The following DPP6 variants were observed in gnomAD, a reference collection of about 807,000 sequenced individuals.
DPP6 encodes the protein A-type potassium channel modulatory protein DPP6.
Under a neutral mutation model 122.6 loss-of-function variants are expected in DPP6, and 69 were observed. That is an observed-to-expected ratio of 0.56 (90% CI 0.46 to 0.69). The LOEUF (loss-of-function observed/expected upper bound fraction) is 0.69. Ranked by LOEUF, DPP6 falls within the 30% of genes least tolerant of loss-of-function variation. The pLI, the probability that DPP6 is intolerant of heterozygous loss-of-function variation, is 0.00. For synonymous variants in DPP6, 418 were observed against 433.1 expected, an observed-to-expected ratio of 0.97 and a Z score of 0.43; for missense variants, 928 against 1,116.9, an observed-to-expected ratio of 0.83 and a Z score of 2.41.
intron 5 of DPP6, among the ~76,000 whole-genome samples, chr7:154,592,827 T>A (rs1460782575): frequency 6.6e-6 from 1 of 152,084 alleles, no homozygotes; most frequent in Non-Finnish European, 1.5e-5. Context: ...CACAGCCACT[T>A]TTTCCCCAGC....
intron 4 of DPP6, among the ~76,000 whole-genome samples, chr7:154,541,248 A>G (rs887747944): frequency 7.9e-5 from 12 of 152,094 alleles, no homozygotes; most frequent in Admixed American, 1.3e-4. Context: ...CTCCCACCTC[A>G]GCCTCCTGAG....
At chr7:154,102,861 C>T (rs939258600) in intron 1 of DPP6, among the ~76,000 whole-genome samples, 7 of 152,178 alleles carry the variant, frequency 4.6e-5, no homozygotes, top group African/African-American at 1.7e-4. Flanking sequence ...AATCAGGCCA[C>T]TTTAAGCCAT....
intron 1 of DPP6, among the ~76,000 whole-genome samples, chr7:154,284,319 G>A (rs184013901): frequency 3.9e-5 from 6 of 152,250 alleles, no homozygotes; most frequent in Admixed American, 3.9e-4. Flanking sequence ...TAACAAATTA[G>A]TTATGTTTCT....
At chr7:154,638,776 TTTG>T (rs1276266923) in intron 6 of DPP6, among the ~76,000 whole-genome samples, 1 of 152,144 alleles carries the variant, frequency 6.6e-6, no homozygotes, top group Non-Finnish European at 1.5e-5. Context: ...AGGAGAATTT[TTTG>T]TTGTTTTATC....
chr7:154,619,187 A>G (rs1282584647), intron 5 of DPP6, among the ~76,000 whole-genome samples: 1 of 152,180 alleles, frequency 6.6e-6, no homozygotes, highest in Non-Finnish European at 1.5e-5. Flanking sequence ...GTATATCTTT[A>G]TTAGCAGGGT....
intron 1 of DPP6, among the ~76,000 whole-genome samples, chr7:154,082,334 A>AT (rs1804075475): frequency 6.6e-6 from 1 of 152,122 alleles, no homozygotes; most frequent in African/African-American, 2.4e-5. Context: ...TTCTCCATAC[A>AT]TCCTAATTTA....
At chr7:154,623,614 C>CACATGCGT (rs1834856232) in intron 5 of DPP6, among the ~76,000 whole-genome samples, 1 of 149,204 alleles carries the variant, frequency 6.7e-6, no homozygotes, top group Non-Finnish European at 1.5e-5. Context: ...CACACACGCA[C>CACATGCGT]GTACACGCGC....
chr7:154,049,348 T>TGATTAGAG (rs1800179560), upstream of DPP6, among the ~76,000 whole-genome samples: 1 of 137,884 alleles, frequency 7.3e-6, no homozygotes, highest in African/African-American at 2.8e-5. Flanking sequence ...AGGTGAAAGG[T>TGATTAGAG]GATTAGAGAC....
chr7:153,837,393 T>G, the DPP6 span, among the ~76,000 whole-genome samples: 27 of 152,346 alleles, frequency 1.8e-4, no homozygotes, highest in East Asian at 5.2e-3. Flanking sequence ...TGTTCTTGCC[T>G]CAAGCTTTAG....
chr7:154,570,554 A>G (rs796768609), intron 5 of DPP6, among the ~76,000 whole-genome samples: 3 of 152,308 alleles, frequency 2.0e-5, no homozygotes, highest in African/African-American at 7.2e-5. Flanking sequence ...ATACAATCCA[A>G]GTTCTTGAAA....
intron 1 of DPP6, among the ~76,000 whole-genome samples, chr7:154,035,436 G>A (rs1043086380): frequency 8.5e-5 from 13 of 152,322 alleles, no homozygotes; most frequent in African/African-American, 2.6e-4. Context: ...TAATGAAAAA[G>A]TAACACAAAC....
In DPP6 at chr7:154,794,107, G is replaced by A. The variant is rs1260643568; in HGVS notation, c.1165G>A (p.Ala389Thr). The change falls in exon 11 of 26, where the codon GCC (alanine) becomes ACC (threonine). Residue 389 changes from alanine to threonine, a missense_variant. Physicochemically the swap from Ala to Thr is moderately conservative, Grantham distance 58. Coordinates refer to ENST00000377770, the MANE Select transcript of DPP6 (RefSeq NM_130797.4). ...REYYITMVKW[A>T]TSTKVAVTWL... ...GTACTACATCACCATGGTGAAGTGG[G>A]CCACCAGCACCAAGGTCGCCGTGAC... 7 of 1,613,576 alleles carry A rather than the reference G, an allele frequency of 4.3e-6. No individual in the cohort carries two copies. The highest frequency in any genetic ancestry group is 5.9e-6 in the Non-Finnish European group (7 of 1,179,750).
the DPP6 span, among the ~76,000 whole-genome samples, chr7:153,865,796 TC>T: frequency 3.0e-3 from 430 of 144,908 alleles, 3 homozygotes; most frequent in African/African-American, 0.011. Flanking sequence ...ATGCTATCCT[TC>T]CCCCCTCCCC....
At chr7:154,057,877 C>T (rs1401388968) in intron 1 of DPP6, 3 of 150,758 alleles carry the variant, frequency 2.0e-5, no homozygotes, top group Admixed American at 1.3e-4. Context: ...TGGCTGAGGC[C>T]GGTAGCCTAC....
At chr7:153,974,969 G>A (rs191166017) in intron 1 of DPP6, among the ~76,000 whole-genome samples, 36 of 152,320 alleles carry the variant, frequency 2.4e-4, no homozygotes, top group African/African-American at 8.7e-4. Flanking sequence ...CTTCGACCAT[G>A]TCCAAGCGAG....
intron 7 of DPP6, among the ~76,000 whole-genome samples, chr7:154,674,464 AT>A (rs1838763445): frequency 6.6e-6 from 1 of 152,120 alleles, no homozygotes; most frequent in South Asian, 2.1e-4. Flanking sequence ...GGGCATGTGA[AT>A]TTGGTGCATC....
intron 1 of DPP6, among the ~76,000 whole-genome samples, chr7:154,181,396 T>G (rs1302799449): frequency 2.0e-5 from 3 of 152,152 alleles, no homozygotes; most frequent in Admixed American, 2.0e-4. Flanking sequence ...AAGAGCCAGC[T>G]CTGGTGTCAG....
intron 1 of DPP6, among the ~76,000 whole-genome samples, chr7:153,928,396 A>ATTTTTTTTTTTTTTTTTTTGT (rs1801013690): frequency 2.3e-5 from 1 of 43,672 alleles, no homozygotes; most frequent in Non-Finnish European, 4.4e-5. Context: ...CTTTTCTTTC[A>ATTTTTTTTTTTTTTTTTTTGT]TTTTTTTTTT....
At chr7:154,227,301 A>G (rs1333340565) in intron 1 of DPP6, among the ~76,000 whole-genome samples, 1 of 151,762 alleles carries the variant, frequency 6.6e-6, no homozygotes. Context: ...GGATGAACCT[A>G]GAGGACATTA....
Sources: allele counts gnomAD v4.1 joint callset (sites outside exome capture counted in the v4.1 genomes callset), GRCh38; gene constraint gnomAD v4.1.1; transcripts MANE v1.5; gene names NCBI Gene and HGNC (gene_info 2026-07-23, HGNC 2026-07-21).